Variants in EHBP1 observed in about 807,000 individuals in gnomAD.
EHBP1 encodes the protein EH domain binding protein 1, also known as EH domain-binding protein 1.
In EHBP1, 55 loss-of-function variants were observed where a neutral mutation model predicts 144.0. The observed-to-expected ratio is 0.38, with a 90% CI of 0.31 to 0.48. The LOEUF (loss-of-function observed/expected upper bound fraction) is 0.48, where lower values mean the gene tolerates loss of function less well. Ranked by LOEUF, EHBP1 falls within the 20% of genes least tolerant of loss-of-function variation. The pLI, the probability that EHBP1 is intolerant of heterozygous loss-of-function variation, is 0.98. For synonymous variants in EHBP1, 469 were observed against 472.7 expected (o/e 0.99, Z 0.10); for missense variants, 1,200 against 1,364.2 (o/e 0.88, Z 1.90).
chr2:62,908,752 T>C (rs1409844687), intron 10 of EHBP1, among the ~76,000 whole-genome samples: 2 of 152,204 alleles, frequency 1.3e-5, no homozygotes, highest in Non-Finnish European at 2.9e-5. Flanking sequence ...CTTAATTCCA[T>C]TGTGGTTAGA....
At chr2:62,876,154 A>G (rs2050872289) in intron 10 of EHBP1, among the ~76,000 whole-genome samples, 1 of 152,166 alleles carries the variant, frequency 6.6e-6, no homozygotes, top group Admixed American at 6.5e-5. Flanking sequence ...ATTCCATATA[A>G]GATGACCATC....
chr2:62,936,843 T>C (rs1290492369), intron 10 of EHBP1, among the ~76,000 whole-genome samples: 1 of 152,210 alleles, frequency 6.6e-6, no homozygotes, highest in African/African-American at 2.4e-5. Flanking sequence ...TCACTGTTGA[T>C]AGTTTTTGGG....
At chr2:62,920,766 A>G (rs2055009705) in intron 10 of EHBP1, among the ~76,000 whole-genome samples, 1 of 151,902 alleles carries the variant, frequency 6.6e-6, no homozygotes, top group Non-Finnish European at 1.5e-5. Context: ...GGGTTCAGGC[A>G]ATTCTCCTGC....
chr2:62,867,191 T>C (rs1398490391), intron 9 of EHBP1, among the ~76,000 whole-genome samples: 1 of 152,124 alleles, frequency 6.6e-6, no homozygotes, highest in Non-Finnish European at 1.5e-5. Context: ...GTATTCTGGG[T>C]TTTATAACAT....
At chr2:62,896,226 C>T (rs2052917165) in intron 10 of EHBP1, among the ~76,000 whole-genome samples, 1 of 152,108 alleles carries the variant, frequency 6.6e-6, no homozygotes, top group South Asian at 2.1e-4. Context: ...TTCCAGGCAA[C>T]ATGTGTGAAG....
At chr2:62,745,063 G>A (rs2039023944) in intron 2 of EHBP1, among the ~76,000 whole-genome samples, 1 of 152,094 alleles carries the variant, frequency 6.6e-6, no homozygotes, top group Admixed American at 6.6e-5. Context: ...GCTTGGATGA[G>A]TTGCAGAGAT....
intron 10 of EHBP1, among the ~76,000 whole-genome samples, chr2:62,941,246 A>C (rs754685878): frequency 6.6e-6 from 1 of 152,154 alleles, no homozygotes; most frequent in Non-Finnish European, 1.5e-5. Flanking sequence ...GTCACAGTGG[A>C]TCATTACATG....
chr2:62,795,122 CA>C (rs1160683781), intron 5 of EHBP1, among the ~76,000 whole-genome samples: 1 of 151,992 alleles, frequency 6.6e-6, no homozygotes, highest in East Asian at 1.9e-4. Context: ...CTTTTTAGCA[CA>C]GGTCAAGCCT....
intron 10 of EHBP1, among the ~76,000 whole-genome samples, chr2:62,936,788 GA>G (rs886489183): frequency 2.7e-5 from 4 of 150,444 alleles, no homozygotes; most frequent in South Asian, 4.2e-4. Context: ...AAAACACTTT[GA>G]AAAAAAAATA....
intron 10 of EHBP1, among the ~76,000 whole-genome samples, chr2:62,898,042 A>C (rs2053084551): frequency 6.6e-6 from 1 of 152,194 alleles, no homozygotes. Flanking sequence ...TACTAATGGA[A>C]CAAAAAAGGC....
chr2:62,849,470 A>G (rs543361948), intron 7 of EHBP1, among the ~76,000 whole-genome samples: 95 of 152,250 alleles, frequency 6.2e-4, no homozygotes, highest in East Asian at 7.7e-4. Flanking sequence ...CAGTCAACCC[A>G]CAGAACTTTG....
At chr2:63,033,885 T>C (rs1559096549) in intron 19 of EHBP1, among the ~76,000 whole-genome samples, 1 of 152,166 alleles carries the variant, frequency 6.6e-6, no homozygotes, top group Admixed American at 6.5e-5. Context: ...TGGTTTTTGT[T>C]AACTATGTGA....
intron 3 of EHBP1, among the ~76,000 whole-genome samples, chr2:62,750,500 G>GT (rs1348823622): frequency 1.3e-4 from 20 of 152,276 alleles, no homozygotes; most frequent in African/African-American, 4.8e-4. Flanking sequence ...CTTTAAAGTA[G>GT]TTTTTTCCAA....
chr2:62,809,059 G>A (rs775700245), intron 5 of EHBP1, among the ~76,000 whole-genome samples: 8 of 152,068 alleles, frequency 5.3e-5, no homozygotes, highest in Non-Finnish European at 8.8e-5. Flanking sequence ...TTGGGAGGCC[G>A]AGGCGGACAG....
chr2:63,038,845 T>G, intron 21 of EHBP1, 29 bp downstream of exon 21: 1 of 1,588,960 alleles, frequency 6.3e-7, no homozygotes, highest in Non-Finnish European at 8.6e-7. Context: ...GGGTGAGGTA[T>G]GTGACGTGTC....
chr2:62,794,568 A>G (rs1415072473), intron 5 of EHBP1, among the ~76,000 whole-genome samples: 1 of 152,016 alleles, frequency 6.6e-6, no homozygotes, highest in Non-Finnish European at 1.5e-5. Flanking sequence ...AATACCCTAA[A>G]TTTGAGGAAC....
chr2:62,719,254 C>T (rs1464608643), intron 2 of EHBP1, among the ~76,000 whole-genome samples: 1 of 152,154 alleles, frequency 6.6e-6, no homozygotes, highest in Non-Finnish European at 1.5e-5. Flanking sequence ...GCATGAGCCA[C>T]TGTGCCGACC....
At chr2:62,849,728 T>G (rs1252862905) in intron 7 of EHBP1, among the ~76,000 whole-genome samples, 2 of 152,194 alleles carry the variant, frequency 1.3e-5, no homozygotes, top group African/African-American at 4.8e-5. Flanking sequence ...ACAACGTACA[T>G]TAAGTACTAG....
At chr2:62,813,038 T>A (rs1239058534) in intron 5 of EHBP1, among the ~76,000 whole-genome samples, 1 of 152,138 alleles carries the variant, frequency 6.6e-6, no homozygotes, top group South Asian at 2.1e-4. Flanking sequence ...CCACAAGCAG[T>A]TTGATATTCC....
Sources: allele counts gnomAD v4.1 joint callset (sites outside exome capture counted in the v4.1 genomes callset), GRCh38; gene constraint gnomAD v4.1.1; transcripts MANE v1.5; gene names NCBI Gene and HGNC (gene_info 2026-07-23, HGNC 2026-07-21).